Variants in TMOD3 observed in about 807,000 individuals in gnomAD.
TMOD3 encodes the protein tropomodulin 3.
TMOD3 carries 20 observed loss-of-function variants against 39.2 expected under a neutral mutation model. The ratio of observed to expected loss-of-function variants is 0.51; its 90% CI spans 0.36 to 0.74. TMOD3 has a LOEUF of 0.74. Among genes scored for constraint, TMOD3 ranks in the 30% least tolerant of loss-of-function variants. The pLI is 0.00. For missense variants in TMOD3, 381 were observed against 412.8 expected (o/e 0.92, Z 0.67); for synonymous variants, 143 against 145.8 (o/e 0.98, Z 0.14).
intron 1 of TMOD3, among the ~76,000 whole-genome samples, chr15:51,857,071 T>C (rs1175680011): frequency 6.6e-6 from 1 of 152,180 alleles, no homozygotes; most frequent in Admixed American, 6.5e-5. Context: ...GAAAGTAGTA[T>C]AGCTCTAAGC....
intron 4 of TMOD3, among the ~76,000 whole-genome samples, chr15:51,888,300 A>G (rs1035462626): frequency 1.8e-4 from 27 of 152,300 alleles, no homozygotes; most frequent in Admixed American, 1.5e-3. Context: ...CTTCAAACCA[A>G]ATAACCCCAG....
chr15:51,838,445 G>C (rs183908054), intron 1 of TMOD3, among the ~76,000 whole-genome samples: 1 of 152,064 alleles, frequency 6.6e-6, no homozygotes, highest in Non-Finnish European at 1.5e-5. Flanking sequence ...TGGTATGGTG[G>C]CAGAGCTGGG....
chr15:51,893,360 T>A (rs2056604370), intron 5 of TMOD3, among the ~76,000 whole-genome samples: 1 of 150,878 alleles, frequency 6.6e-6, no homozygotes, highest in South Asian at 2.1e-4. Context: ...ATAAAGGATC[T>A]TTTCGGAATT....
intron 1 of TMOD3, among the ~76,000 whole-genome samples, chr15:51,846,386 T>G (rs527396014): frequency 6.6e-6 from 1 of 152,294 alleles, no homozygotes; most frequent in South Asian, 2.1e-4. Flanking sequence ...TTGGAAGGAT[T>G]GAAACTGAGG....
chr15:51,842,914 T>A (rs1036939353), intron 1 of TMOD3, among the ~76,000 whole-genome samples: 2 of 152,218 alleles, frequency 1.3e-5, no homozygotes, highest in Non-Finnish European at 2.9e-5. Flanking sequence ...CCCCTGACGT[T>A]GATTAGAGTA....
intron 1 of TMOD3, among the ~76,000 whole-genome samples, chr15:51,861,894 C>G (rs535524055): frequency 3.3e-5 from 5 of 152,062 alleles, no homozygotes; most frequent in Non-Finnish European, 7.4e-5. Context: ...TCACCTGCCT[C>G]GGACTCCCAA....
chr15:51,865,882 C>CT (rs780311409), intron 2 of TMOD3, among the ~76,000 whole-genome samples: 76 of 152,012 alleles, frequency 5.0e-4, no homozygotes, highest in Admixed American at 8.5e-4. Flanking sequence ...TGCTAACTCA[C>CT]TGAGTTTTTG....
chr15:51,856,109 A>G (rs1361386224), intron 1 of TMOD3, among the ~76,000 whole-genome samples: 5 of 152,182 alleles, frequency 3.3e-5, no homozygotes, highest in African/African-American at 1.2e-4. Flanking sequence ...CAAAAAATAC[A>G]AAAATTAGTT....
intron 1 of TMOD3, chr15:51,859,780 A>C (rs991061628): frequency 2.0e-6 from 1 of 502,168 alleles, no homozygotes; most frequent in East Asian, 5.0e-5. Context: ...CAGAGTCTCT[A>C]TAAACAGTTC....
At chr15:51,872,273 A>G (rs962090779) in intron 3 of TMOD3, among the ~76,000 whole-genome samples, 1 of 152,000 alleles carries the variant, frequency 6.6e-6, no homozygotes, top group Non-Finnish European at 1.5e-5. Flanking sequence ...TGCACCTGTA[A>G]TCCTAGCTAC....
chr15:51,840,268 TCA>T (rs1318099531), intron 1 of TMOD3, among the ~76,000 whole-genome samples: 1 of 152,230 alleles, frequency 6.6e-6, no homozygotes, highest in African/African-American at 2.4e-5. Context: ...TCCAACTCTC[TCA>T]GTCTCTGCGC....
At chr15:51,893,168 G>A (rs2959306) in intron 5 of TMOD3, among the ~76,000 whole-genome samples, 55,849 of 151,104 alleles carry the variant, frequency 0.37, 10,656 homozygotes, top group Middle Eastern at 0.43. Flanking sequence ...GGTGACACAC[G>A]CCTGTATTCC....
intron 1 of TMOD3, among the ~76,000 whole-genome samples, chr15:51,838,143 G>A (rs1013243969): frequency 1.3e-5 from 2 of 151,946 alleles, no homozygotes; most frequent in African/African-American, 4.8e-5. Flanking sequence ...TTCTTGCCCT[G>A]GATTCCCTCC....
rs1488582301 is a variant in TMOD3 at position 51,912,664 on chromosome 15, C to T, written c.*3854C>T. On this transcript the variant is annotated 3_prime_UTR_variant, in exon 10 of 10. Coordinates refer to ENST00000308580, the MANE Select transcript of TMOD3 (RefSeq NM_014547.5). ...CTTTCTCTGGAGTCCTTAGTCACTTCCATTCTTTGCAAGTTTAGTACTGCC... is the reference window on the plus strand; with the variant it reads ...CTTTCTCTGGAGTCCTTAGTCACTTTCATTCTTTGCAAGTTTAGTACTGCC... The T allele has an allele frequency of 6.6e-6, 1 of 152,078 alleles. No homozygotes were observed. The highest frequency in any genetic ancestry group is 2.4e-5 in the African/African-American group (1 of 41,394). The allele number at this position is 152,078 out of a possible 1,614,324, so 9.4% of individuals were successfully genotyped here.
At chr15:51,887,557 T>G (rs376905272) in intron 3 of TMOD3, 32 bp from the exon 4 acceptor site, 3 of 1,604,844 alleles carry the variant, frequency 1.9e-6, no homozygotes, top group Non-Finnish European at 2.6e-6. Flanking sequence ...ATAGCAGTAG[T>G]AATGGAATTA....
intron 4 of TMOD3, among the ~76,000 whole-genome samples, chr15:51,888,839 G>A (rs2056578476): frequency 6.6e-6 from 1 of 152,108 alleles, no homozygotes; most frequent in African/African-American, 2.4e-5. Flanking sequence ...TTGGAAATGT[G>A]GGGAAATGTA....
At chr15:51,901,849 G>C (rs1208633113) in intron 8 of TMOD3, 43 bp from the exon 9 acceptor site, 1 of 1,583,948 alleles carries the variant, frequency 6.3e-7, no homozygotes, top group Non-Finnish European at 8.6e-7. Flanking sequence ...AAAGTATTTT[G>C]ATCTAGTTTA....
chr15:51,863,344 G>C lies in TMOD3; in HGVS notation c.126+334G>C, dbSNP rs547177768. ...ACCTTTTTGATACACGCCAACCTCT[G>C]TCTCTTCAGAGCTTCTATGCCAGGT... On this transcript the variant is annotated intron_variant, in intron 2 of 9. Transcript: ENST00000308580. 5.3e-5 allele frequency among the ~76,000 whole-genome samples: 8 copies of C among 152,306 alleles called. No individual in the cohort carries two copies. The South Asian group carries it at 1.7e-3, about 32-fold the overall frequency.
At chr15:51,868,073 T>C (rs2056456092) in intron 2 of TMOD3, among the ~76,000 whole-genome samples, 1 of 152,232 alleles carries the variant, frequency 6.6e-6, no homozygotes, top group Non-Finnish European at 1.5e-5. Flanking sequence ...CATGTATATA[T>C]GTACGCATAC....
Sources: allele counts gnomAD v4.1 joint callset (sites outside exome capture counted in the v4.1 genomes callset), GRCh38; gene constraint gnomAD v4.1.1; transcripts MANE v1.5; gene names NCBI Gene and HGNC (gene_info 2026-07-23, HGNC 2026-07-21).